Variants in SLC25A26 observed in about 807,000 individuals in gnomAD.
SLC25A26 encodes the protein solute carrier family 25 member 26.
Under a neutral mutation model 37.8 loss-of-function variants are expected in SLC25A26, and 36 were observed. That is an observed-to-expected ratio of 0.95 (90% CI 0.73 to 1.26). SLC25A26 has a LOEUF of 1.26. SLC25A26 is among the 50% of genes most tolerant of loss of function. The probability of loss-of-function intolerance (pLI) is 0.00; values close to 1 mark genes in which losing one functional copy is unlikely to be tolerated. For synonymous variants in SLC25A26, 129 were observed against 122.5 expected (o/e 1.05, Z -0.35); for missense variants, 390 against 331.1 (o/e 1.18, Z -1.38).
At chr3:66,211,495 C>T (rs2071283083) in intron 1 of SLC25A26, among the ~76,000 whole-genome samples, 1 of 152,276 alleles carries the variant, frequency 6.6e-6, no homozygotes, top group Admixed American at 6.5e-5. Flanking sequence ...TGGGGTCTTG[C>T]GGCTCTTAAT....
intron 5 of SLC25A26, among the ~76,000 whole-genome samples, chr3:66,314,034 G>A (rs934735644): frequency 1.3e-5 from 2 of 152,126 alleles, no homozygotes; most frequent in African/African-American, 2.4e-5. Flanking sequence ...AGACAATGGG[G>A]TTTTCTAGAA....
chr3:66,144,041 A>G (rs1457161121), intron 1 of SLC25A26, among the ~76,000 whole-genome samples: 1 of 152,222 alleles, frequency 6.6e-6, no homozygotes, highest in East Asian at 1.9e-4. Flanking sequence ...TGTTAATCAC[A>G]CATGAATACA....
chr3:66,197,570 G>C (rs1304048824), intron 1 of SLC25A26, among the ~76,000 whole-genome samples: 1 of 152,132 alleles, frequency 6.6e-6, no homozygotes, highest in Non-Finnish European at 1.5e-5. Flanking sequence ...GTCAGGCTAA[G>C]TAAGCAAGGG....
At chr3:66,282,416 G>T (rs373862098) in intron 5 of SLC25A26, among the ~76,000 whole-genome samples, 1 of 152,094 alleles carries the variant, frequency 6.6e-6, no homozygotes, top group Non-Finnish European at 1.5e-5. Flanking sequence ...AAAGTGCTGA[G>T]ATTACAGGCA....
At chr3:66,247,337 C>G (rs2072896333) in intron 3 of SLC25A26, among the ~76,000 whole-genome samples, 1 of 152,024 alleles carries the variant, frequency 6.6e-6, no homozygotes, top group African/African-American at 2.4e-5. Flanking sequence ...ATGATGGGGT[C>G]TCACTCTGTC....
At chr3:66,318,902 G>T (rs940204627) in intron 5 of SLC25A26, among the ~76,000 whole-genome samples, 1 of 151,884 alleles carries the variant, frequency 6.6e-6, no homozygotes, top group African/African-American at 2.4e-5. Context: ...CTCCAACCTT[G>T]GCCTCCCAAA....
chr3:66,146,633 G>C (rs2070118509), intron 1 of SLC25A26, among the ~76,000 whole-genome samples: 1 of 152,048 alleles, frequency 6.6e-6, no homozygotes, highest in Non-Finnish European at 1.5e-5. Flanking sequence ...AATTACATTA[G>C]TTCTAATTAA....
At chr3:66,232,718 A>C (rs1200576365) in intron 1 of SLC25A26, among the ~76,000 whole-genome samples, 1 of 152,234 alleles carries the variant, frequency 6.6e-6, no homozygotes, top group African/African-American at 2.4e-5. Flanking sequence ...GAGTTTTGGG[A>C]GTTGGAGGGG....
intron 5 of SLC25A26, among the ~76,000 whole-genome samples, chr3:66,342,436 T>G (rs754121978): frequency 6.6e-6 from 1 of 152,226 alleles, no homozygotes; most frequent in Non-Finnish European, 1.5e-5. Flanking sequence ...GTAATGTAAT[T>G]TTTTAATTGA....
chr3:66,146,364 T>C (rs1297123619), intron 1 of SLC25A26, among the ~76,000 whole-genome samples: 1 of 151,654 alleles, frequency 6.6e-6, no homozygotes, highest in Non-Finnish European at 1.5e-5. Context: ...GATAAAAATC[T>C]AATAATTATT....
At chr3:66,250,759 A>G (rs548594936) in intron 3 of SLC25A26, among the ~76,000 whole-genome samples, 1 of 152,280 alleles carries the variant, frequency 6.6e-6, no homozygotes, top group South Asian at 2.1e-4. Context: ...GGACTGGGGT[A>G]GATGGATGGG....
chr3:66,368,797 T>G (rs1700174341), intron 7 of SLC25A26, among the ~76,000 whole-genome samples: 1 of 151,440 alleles, frequency 6.6e-6, no homozygotes, highest in Non-Finnish European at 1.5e-5. Flanking sequence ...GCAGGAGGAG[T>G]GCTTGATGCA....
rs148269639 is a variant in SLC25A26, at chr3:66,338,194, A to G, written c.454-8170A>G. On this transcript the variant is annotated intron_variant, in intron 5 of 9. Transcript: ENST00000354883. ...ATGTATCAATAATTTTTTTCATTGT[A>G]TTACTAATATTCCTTTATATGAATA... 2.1e-3 allele frequency among the ~76,000 whole-genome samples: 323 copies of G among 152,080 alleles called. 2 individuals are homozygous for G. The highest frequency in any genetic ancestry group is 7.5e-3 in the African/African-American group (310 of 41,532).
chr3:66,219,308 T>C (rs1011966726), upstream of SLC25A26, among the ~76,000 whole-genome samples: 3 of 152,192 alleles, frequency 2.0e-5, no homozygotes, highest in Non-Finnish European at 2.9e-5. Context: ...ATCACCCCAC[T>C]GATTGTGAGC....
At chr3:66,172,850 C>T (rs1196191037) in intron 1 of SLC25A26, among the ~76,000 whole-genome samples, 1 of 152,156 alleles carries the variant, frequency 6.6e-6, no homozygotes, top group Non-Finnish European at 1.5e-5. Context: ...CCAAATTTCC[C>T]CTTTTTATGA....
intron 1 of SLC25A26, among the ~76,000 whole-genome samples, chr3:66,174,504 G>T (rs184815758): frequency 1.2e-4 from 19 of 152,352 alleles, no homozygotes; most frequent in Admixed American, 1.2e-3. Context: ...TATGAGGCTA[G>T]GCGTGGTGGC....
intron 1 of SLC25A26, among the ~76,000 whole-genome samples, chr3:66,169,922 T>C (rs1386219140): frequency 6.6e-6 from 1 of 152,212 alleles, no homozygotes; most frequent in Non-Finnish European, 1.5e-5. Context: ...TATATTTTTC[T>C]GGGGAGAAGA....
intron 1 of SLC25A26, among the ~76,000 whole-genome samples, chr3:66,150,558 T>C (rs1178305761): frequency 9.8e-6 from 1 of 101,934 alleles, no homozygotes. Flanking sequence ...ATATATATAA[T>C]GATATATATA....
intron 3 of SLC25A26, among the ~76,000 whole-genome samples, chr3:66,257,882 A>G (rs2073367192): frequency 6.6e-6 from 1 of 152,130 alleles, no homozygotes; most frequent in Admixed American, 6.5e-5. Flanking sequence ...AATACCGGTG[A>G]ACTCTGTAAA....
Sources: allele counts gnomAD v4.1 joint callset (sites outside exome capture counted in the v4.1 genomes callset), GRCh38; gene constraint gnomAD v4.1.1; transcripts MANE v1.5; gene names NCBI Gene and HGNC (gene_info 2026-07-23, HGNC 2026-07-21).